Variants in LDLRAD4 observed in about 807,000 individuals in gnomAD.
LDLRAD4 encodes the protein low-density lipoprotein receptor class A domain-containing protein 4.
A neutral mutation model predicts 17.0 loss-of-function variants in LDLRAD4; 5 were observed. The ratio of observed to expected loss-of-function variants is 0.29; its 90% confidence interval spans 0.15 to 0.62. LDLRAD4 has a LOEUF of 0.62. LDLRAD4 is among the 20% of genes least tolerant of loss of function. The pLI is 0.84. For missense variants in LDLRAD4, 340 were observed against 424.7 expected (o/e 0.80, Z 1.75); for synonymous variants, 168 against 171.8 (o/e 0.98, Z 0.17).
chr18:13,559,594 A>G (rs2094518939), intron 3 of LDLRAD4, among the ~76,000 whole-genome samples: 1 of 152,250 alleles, frequency 6.6e-6, no homozygotes. Flanking sequence ...ACATGTATAT[A>G]TACATATAGA....
At chr18:13,434,727 G>C (rs2090548086) in intron 2 of LDLRAD4, among the ~76,000 whole-genome samples, 1 of 152,210 alleles carries the variant, frequency 6.6e-6, no homozygotes, top group African/African-American at 2.4e-5. Context: ...ACTGGGCCCT[G>C]TAGTCAGCAA....
intron 3 of LDLRAD4, among the ~76,000 whole-genome samples, chr18:13,463,240 G>T (rs1199488521): frequency 6.6e-6 from 1 of 152,158 alleles, no homozygotes; most frequent in Non-Finnish European, 1.5e-5. Flanking sequence ...ACAACCAGCT[G>T]CCAGGCTCCC....
At chr18:13,643,576 G>T (rs1486998322) in intron 5 of LDLRAD4, among the ~76,000 whole-genome samples, 164 bp downstream of exon 6, 2 of 152,204 alleles carry the variant, frequency 1.3e-5, no homozygotes, top group Non-Finnish European at 2.9e-5. Flanking sequence ...AGCGGGAGGG[G>T]ACTTCCCCTA....
intron 3 of LDLRAD4, among the ~76,000 whole-genome samples, chr18:13,499,435 G>C (rs563901511): frequency 7.9e-6 from 1 of 126,820 alleles, no homozygotes. Context: ...CGCCACACAC[G>C]TCCTGCCGTG....
At chr18:13,310,279 G>T (rs1287001793) in intron 1 of LDLRAD4, among the ~76,000 whole-genome samples, 3 of 151,896 alleles carry the variant, frequency 2.0e-5, no homozygotes, top group Admixed American at 6.6e-5. Flanking sequence ...GAGGCAGGAG[G>T]TCGATGCTGA....
chr18:13,266,477 T>C lies in LDLRAD4; in HGVS notation c.-466-11628T>C, dbSNP rs567584160. Among the ~76,000 whole-genome samples the C allele has an allele frequency of 7.3e-4, 111 of 152,320 alleles. 1 individual carries two copies. The South Asian group carries it at 0.022, about 30-fold the overall frequency. ...CCCTGGGCTTGGCTTTCCTTTCCTT[T>C]CTGGCATGGGGCTCAGGTGTCCAGA... On this transcript the variant is annotated intron_variant, in intron 1 of 5. Coordinates refer to the LDLRAD4 transcript ENST00000399848.
At chr18:13,253,917 C>T (rs1036987989) in intron 1 of LDLRAD4, among the ~76,000 whole-genome samples, 9 of 152,226 alleles carry the variant, frequency 5.9e-5, no homozygotes, top group African/African-American at 1.9e-4. Flanking sequence ...CTGGTACTCA[C>T]TGAGTGCCCA....
chr18:13,625,960 G>A (rs1239088990), intron 4 of LDLRAD4, among the ~76,000 whole-genome samples: 1 of 151,420 alleles, frequency 6.6e-6, no homozygotes, highest in Non-Finnish European at 1.5e-5. Context: ...AACGTGATGG[G>A]TGTCCCAAAG....
chr18:13,634,600 A>T (rs1568435452), intron 4 of LDLRAD4, among the ~76,000 whole-genome samples: 1 of 152,218 alleles, frequency 6.6e-6, no homozygotes, highest in African/African-American at 2.4e-5. Context: ...TCTTGTATTC[A>T]TGAATTGGAA....
intron 3 of LDLRAD4, among the ~76,000 whole-genome samples, chr18:13,551,193 AC>A (rs1482159381): frequency 6.6e-6 from 1 of 152,018 alleles, no homozygotes; most frequent in Non-Finnish European, 1.5e-5. Flanking sequence ...GCCAACAGCA[AC>A]CCTCTTTCTT....
chr18:13,399,863 C>T (rs1049548006), intron 2 of LDLRAD4, among the ~76,000 whole-genome samples: 1 of 152,268 alleles, frequency 6.6e-6, no homozygotes, highest in African/African-American at 2.4e-5. Context: ...ATGAATTGTT[C>T]TGAATGTATT....
intron 2 of LDLRAD4, among the ~76,000 whole-genome samples, chr18:13,407,063 A>C (rs909546707): frequency 6.6e-6 from 1 of 152,180 alleles, no homozygotes; most frequent in Non-Finnish European, 1.5e-5. Context: ...AATAGTAAAC[A>C]AAGTGCGTGG....
At chr18:13,289,992 C>G (rs879562254) in intron 1 of LDLRAD4, among the ~76,000 whole-genome samples, 2 of 152,170 alleles carry the variant, frequency 1.3e-5, no homozygotes, top group Non-Finnish European at 2.9e-5. Flanking sequence ...CTTCCCATAC[C>G]CTGTTGGGGA....
chr18:13,491,791 C>G (rs1158062468), intron 3 of LDLRAD4, among the ~76,000 whole-genome samples: 1 of 152,158 alleles, frequency 6.6e-6, no homozygotes, highest in South Asian at 2.1e-4. Context: ...CTGTTTCTCA[C>G]CCTGGTACTT....
intron 2 of LDLRAD4, among the ~76,000 whole-genome samples, chr18:13,399,615 G>C (rs1398735157): frequency 6.6e-6 from 1 of 152,214 alleles, no homozygotes; most frequent in Admixed American, 6.5e-5. Context: ...TGCTAACTCT[G>C]AGACCCCAGC....
At chr18:13,593,660 A>G (rs2095056769) in intron 3 of LDLRAD4, among the ~76,000 whole-genome samples, 2 of 152,136 alleles carry the variant, frequency 1.3e-5, no homozygotes, top group South Asian at 4.1e-4. Flanking sequence ...GGCTTGCTAT[A>G]TGGCGCAGGC....
intron 3 of LDLRAD4, among the ~76,000 whole-genome samples, chr18:13,507,527 G>T (rs2093713961): frequency 6.6e-6 from 1 of 152,230 alleles, no homozygotes; most frequent in South Asian, 2.1e-4. Flanking sequence ...ATTCCATGGT[G>T]TGTATATCTA....
At chr18:13,579,767 C>G (rs937959668) in intron 3 of LDLRAD4, among the ~76,000 whole-genome samples, 1 of 152,238 alleles carries the variant, frequency 6.6e-6, no homozygotes, top group East Asian at 1.9e-4. Flanking sequence ...ATCCTGGACA[C>G]CACCCTGCCA....
chr18:13,304,652 A>G lies in LDLRAD4; in HGVS notation c.-383+26464A>G, dbSNP rs142993002. Among the ~76,000 whole-genome samples, 3 of 152,372 alleles carry G rather than the reference A, an allele frequency of 2.0e-5. No individual in the cohort carries two copies. In the East Asian group the frequency reaches 5.8e-4, roughly 29 times the overall value. On this transcript the variant is annotated intron_variant, in intron 1 of 5. Transcript: ENST00000359446. Reference sequence around the variant, plus strand: ...ACGCTTCAATCCTTGTCATGGCAACATCAGCCCTTTTGAGTTTAACCTGCT... The same window carrying G: ...ACGCTTCAATCCTTGTCATGGCAACGTCAGCCCTTTTGAGTTTAACCTGCT...
Sources: gnomAD v4.1 joint callset for allele counts (sites outside exome capture counted in the v4.1 genomes callset) on GRCh38, gnomAD v4.1.1 for gene constraint, MANE v1.5 for transcripts, NCBI Gene and HGNC (gene_info 2026-07-23, HGNC 2026-07-21) for gene names.